Variants in KALRN observed in about 807,000 individuals in gnomAD.
The protein encoded by KALRN is kalirin.
A neutral mutation model predicts 353.7 loss-of-function variants in KALRN; 70 were observed. The observed-to-expected ratio is 0.20, with a 90% CI of 0.16 to 0.24. The LOEUF is 0.24. KALRN is among the 10% of genes least tolerant of loss of function. The pLI, the probability that KALRN is intolerant of heterozygous loss-of-function variation, is 1.00. For synonymous variants in KALRN, 1,391 were observed against 1,434.8 expected, an observed-to-expected ratio of 0.97 and a Z score of 0.69; for missense variants, 2,791 against 3,756.7, an observed-to-expected ratio of 0.74 and a Z score of 6.72.
chr3:124,433,080 T>C (rs2150481629), intron 16 of KALRN, among the ~76,000 whole-genome samples: 1 of 152,282 alleles, frequency 6.6e-6, no homozygotes. Context: ...GAAGATAAGC[T>C]ATTTCAAAGG....
At chr3:124,642,815 T>G (rs944973279) in intron 37 of KALRN, among the ~76,000 whole-genome samples, 1 of 140,362 alleles carries the variant, frequency 7.1e-6, no homozygotes, top group African/African-American at 2.7e-5. Flanking sequence ...CGTTTTTTTT[T>G]TTTTTTTTTT....
chr3:124,291,333 T>G (rs2076403419), intron 5 of KALRN, among the ~76,000 whole-genome samples: 1 of 152,228 alleles, frequency 6.6e-6, no homozygotes, highest in South Asian at 2.1e-4. Flanking sequence ...TATTTGCAGT[T>G]CACTTACAGT....
Position 124,632,559 on chromosome 3 carries a change from G to A in KALRN, c.5322G>A (p.Thr1774=), listed in dbSNP as rs749074630. The A allele has an allele frequency of 1.5e-5, 25 of 1,614,086 alleles. No homozygotes were observed. Among genetic ancestry groups the A allele is most frequent in the Admixed American group, 1.2e-4 (7 of 60,010 alleles). Residue 1774 remains threonine, a synonymous_variant, in exon 35 of 60, where the codon ACG becomes ACA. Coordinates refer to ENST00000682506, the MANE Select transcript of KALRN (RefSeq NM_001388419.1). Reference sequence around the variant, plus strand: ...CCAACACTCTTAAGAAGTGGCTGACGAGTCCTGTGCGTCGGCTTAACAGCG... The same window carrying A: ...CCAACACTCTTAAGAAGTGGCTGACAAGTCCTGTGCGTCGGCTTAACAGCG... ...RSTNTLKKWL[T]SPVRRLNSGK...
chr3:124,331,236 A>G (rs569882889), intron 8 of KALRN, among the ~76,000 whole-genome samples: 1 of 152,358 alleles, frequency 6.6e-6, no homozygotes, highest in African/African-American at 2.4e-5. Flanking sequence ...ATGGATAAAG[A>G]AAATGTGGTA....
At chr3:124,604,684 A>C (rs1237831910) in intron 34 of KALRN, among the ~76,000 whole-genome samples, 2 of 152,088 alleles carry the variant, frequency 1.3e-5, no homozygotes, top group Non-Finnish European at 2.9e-5. Context: ...TAAAATTTTT[A>C]ATTATTAACT....
intron 34 of KALRN, among the ~76,000 whole-genome samples, chr3:124,591,217 C>T (rs147686427): frequency 0.012 from 1,799 of 152,314 alleles, 35 homozygotes; most frequent in Non-Finnish European, 0.014. Context: ...AGCTTGTACA[C>T]GTTTTCTTAG....
At chr3:124,401,295 A>G (rs568687097) in intron 13 of KALRN, among the ~76,000 whole-genome samples, 1 of 152,294 alleles carries the variant, frequency 6.6e-6, no homozygotes, top group African/African-American at 2.4e-5. Flanking sequence ...ACTTGAACTC[A>G]GGAGCTCAAG....
At chr3:124,354,002 T>C (rs2083112696) in intron 10 of KALRN, among the ~76,000 whole-genome samples, 1 of 152,170 alleles carries the variant, frequency 6.6e-6, no homozygotes, top group Non-Finnish European at 1.5e-5. Context: ...AAAAAGATGT[T>C]ATATCTTGTG....
intron 21 of KALRN, 48 bp downstream of exon 21, chr3:124,446,933 T>A (rs373899644): frequency 6.9e-6 from 11 of 1,592,474 alleles, no homozygotes; most frequent in African/African-American, 4.1e-5. Flanking sequence ...GAACTCTCCA[T>A]TCTGGCCAAT....
At chr3:124,392,920 A>G (rs2089647995) in intron 11 of KALRN, among the ~76,000 whole-genome samples, 1 of 145,112 alleles carries the variant, frequency 6.9e-6, no homozygotes, top group Non-Finnish European at 1.5e-5. Flanking sequence ...TATATCTCCC[A>G]ATGCTATCCC....
intron 33 of KALRN, among the ~76,000 whole-genome samples, chr3:124,547,344 G>A (rs1439355870): frequency 2.0e-5 from 3 of 151,894 alleles, no homozygotes; most frequent in Non-Finnish European, 2.9e-5. Flanking sequence ...ACAAGGTCTC[G>A]CTTGGTCATC....
intron 3 of KALRN, among the ~76,000 whole-genome samples, chr3:124,239,337 G>A (rs76757888): frequency 0.03 from 4,551 of 152,226 alleles, 96 homozygotes; most frequent in Non-Finnish European, 0.048. Flanking sequence ...ATCTAGTAAG[G>A]AAATCCTGGG....
At chr3:124,198,785 G>A (rs2075686639) in intron 1 of KALRN, among the ~76,000 whole-genome samples, 1 of 152,216 alleles carries the variant, frequency 6.6e-6, no homozygotes, top group Non-Finnish European at 1.5e-5. Context: ...ACTCTAGAGA[G>A]GTTAGGAATC....
intron 9 of KALRN, among the ~76,000 whole-genome samples, chr3:124,335,053 C>A (rs1259733018): frequency 6.6e-6 from 1 of 152,150 alleles, no homozygotes; most frequent in African/African-American, 2.4e-5. Flanking sequence ...CCTCGGCCTC[C>A]CAAAGTGTCA....
chr3:124,159,540 G>T (rs1313535856), intron 1 of KALRN, among the ~76,000 whole-genome samples: 4 of 150,164 alleles, frequency 2.7e-5, no homozygotes, highest in African/African-American at 9.8e-5. Flanking sequence ...CCAAAGTGCT[G>T]GGATTACAGG....
chr3:124,480,820 A>G (rs968682677), intron 27 of KALRN, among the ~76,000 whole-genome samples: 1 of 152,086 alleles, frequency 6.6e-6, no homozygotes, highest in African/African-American at 2.4e-5. Context: ...GTCTTTTGTG[A>G]CTGGTTTCTT....
chr3:124,186,581 C>T (rs2074255756), intron 1 of KALRN, among the ~76,000 whole-genome samples: 1 of 152,198 alleles, frequency 6.6e-6, no homozygotes. Flanking sequence ...CAGTGCCCAA[C>T]CAGAACCTGT....
intron 33 of KALRN, among the ~76,000 whole-genome samples, chr3:124,517,013 T>C (rs1390499501): frequency 6.6e-6 from 1 of 152,188 alleles, no homozygotes; most frequent in East Asian, 1.9e-4. Context: ...AGACGGGGTT[T>C]CACTGTGTTG....
At chr3:124,140,431 T>C (rs2066477033) in intron 1 of KALRN, among the ~76,000 whole-genome samples, 1 of 152,230 alleles carries the variant, frequency 6.6e-6, no homozygotes, top group Admixed American at 6.5e-5. Flanking sequence ...AGAGCTCTTC[T>C]CTGTCTCTGT....
Sources: allele counts gnomAD v4.1 joint callset (sites outside exome capture counted in the v4.1 genomes callset), GRCh38; gene constraint gnomAD v4.1.1; transcripts MANE v1.5; gene names NCBI Gene and HGNC (gene_info 2026-07-23, HGNC 2026-07-21).